ALDH7A1: variants seen among roughly 807,000 people sequenced by gnomAD.
ALDH7A1 encodes alpha-aminoadipic semialdehyde dehydrogenase.
ALDH7A1 carries 63 observed loss-of-function variants against 79.9 expected under a neutral mutation model. The observed-to-expected ratio is 0.79, with a 90% CI of 0.64 to 0.97. The LOEUF (loss-of-function observed/expected upper bound fraction) is 0.97, where lower values mean the gene tolerates loss of function less well. ALDH7A1 is among the 50% of genes least tolerant of loss of function. The pLI is 0.00. For missense variants in ALDH7A1, 627 were observed against 665.2 expected (o/e 0.94, Z 0.63); for synonymous variants, 240 against 231.2 (o/e 1.04, Z -0.34).
At position 126,595,203 on chromosome 5, in the gene ALDH7A1, A is replaced by C; in HGVS notation, c.-5T>G. 6.4e-7 allele frequency: 1 copy of C among 1,551,732 alleles called. No homozygotes were observed. Among genetic ancestry groups the C allele is most frequent in the South Asian group, 1.2e-5 (1 of 84,084 alleles). Reference sequence around the variant, plus strand: ...CGCGCGAGGAAGGCGCCACATACTGAGCCCGGGACTCGGGATGAGCCCAAG... The same window carrying C: ...CGCGCGAGGAAGGCGCCACATACTGCGCCCGGGACTCGGGATGAGCCCAAG... On this transcript the variant is annotated 5_prime_UTR_variant, in exon 1 of 18. Transcript: ENST00000409134.
At chr5:126,559,134 A>G in intron 11 of ALDH7A1, 106 bp downstream of exon 11, 2 of 896,214 alleles carry the variant, frequency 2.2e-6, no homozygotes, top group Non-Finnish European at 3.7e-6. Flanking sequence ...CCACATCTAG[A>G]GAGCATGTTG....
At chr5:126,573,652 C>T (rs1211805905) in intron 7 of ALDH7A1, among the ~76,000 whole-genome samples, 6 of 143,036 alleles carry the variant, frequency 4.2e-5, no homozygotes, top group East Asian at 2.1e-4. Context: ...GAGCCGAGAT[C>T]GCACCACTGC....
Position 126,568,144 on chromosome 5 carries a change from T to C in ALDH7A1, c.871+115A>G, listed in dbSNP as rs1273672556. On this transcript the variant is annotated intron_variant, in intron 9 of 17. Transcript: ENST00000409134. ...CTTTTCTTTTACTTAGACATTCAAATAAACATGACCACTGCCTCCATGGAA... is the reference window on the plus strand; with the variant it reads ...CTTTTCTTTTACTTAGACATTCAAACAAACATGACCACTGCCTCCATGGAA... The C allele has an allele frequency of 4.2e-6, 4 of 958,948 alleles. No homozygotes were observed. In the African/African-American group the frequency reaches 6.4e-5, roughly 15 times the overall value. 59.4% of individuals were successfully genotyped at this position (958,948 alleles called of 1,614,324 possible).
intron 9 of ALDH7A1, among the ~76,000 whole-genome samples, chr5:126,567,601 G>A (rs1750628819): frequency 6.6e-6 from 1 of 150,796 alleles, no homozygotes; most frequent in Non-Finnish European, 1.5e-5. Flanking sequence ...AGCCTCCCCA[G>A]TAGCTGGGAT....
At chr5:126,591,043 C>T (rs1358137124) in intron 3 of ALDH7A1, among the ~76,000 whole-genome samples, 1 of 151,898 alleles carries the variant, frequency 6.6e-6, no homozygotes, top group African/African-American at 2.4e-5. Flanking sequence ...AAACCTAAAC[C>T]TAATGAACAT....
In ALDH7A1 at chr5:126,584,017, G is replaced by A; in HGVS notation, c.313-5C>T. On this transcript the variant is annotated splice_polypyrimidine_tract_variant and splice_region_variant and intron_variant, in intron 3 of 17. Transcript: ENST00000409134. ...TCCTCGTTTTGGAGCAGGAATCTAA[G>A]AAAAGAATGCAATTTTTGTGTCTGA... 6.2e-7 allele frequency: 1 copy of A among 1,613,096 alleles called. No homozygotes were observed.
chr5:126,550,296 A>G lies in ALDH7A1; in HGVS notation c.1318-3T>C. On this transcript the variant is annotated splice_polypyrimidine_tract_variant and splice_region_variant and intron_variant, in intron 14 of 17. Coordinates refer to ENST00000409134, the MANE Select transcript of ALDH7A1 (RefSeq NM_001182.5). ...CATGCAAAGACCTCTTCTTCATTCT[A>G]AAAGGAGAGACATTGGAAGCTGTAA... 1 of 1,597,392 alleles carries G rather than the reference A, an allele frequency of 6.3e-7. No homozygotes were observed. Among genetic ancestry groups the G allele is most frequent in the Non-Finnish European group, 8.6e-7 (1 of 1,165,580 alleles).
At chr5:126,578,230 A>T (rs1751043535) in intron 5 of ALDH7A1, among the ~76,000 whole-genome samples, 1 of 152,164 alleles carries the variant, frequency 6.6e-6, no homozygotes, top group Non-Finnish European at 1.5e-5. Context: ...CAGAGGTTGC[A>T]GTGAGCCGAG....
intron 7 of ALDH7A1, among the ~76,000 whole-genome samples, chr5:126,573,552 G>C (rs569689016): frequency 4.6e-5 from 7 of 152,002 alleles, no homozygotes; most frequent in Non-Finnish European, 7.4e-5. Context: ...CAAAAAATTA[G>C]CCGGGCGTGG....
At chr5:126,588,569 A>G (rs983425865) in intron 3 of ALDH7A1, 4 of 152,200 alleles carry the variant, frequency 2.6e-5, no homozygotes, top group Non-Finnish European at 5.9e-5. Context: ...ATAAATAGAC[A>G]CATACAATAG....
At chr5:126,594,669 C>T (rs986664214) in intron 1 of ALDH7A1, among the ~76,000 whole-genome samples, 12 of 151,922 alleles carry the variant, frequency 7.9e-5, no homozygotes, top group African/African-American at 2.9e-4. Flanking sequence ...TGGTCTTGAA[C>T]TCGCTACCTC....
At position 126,577,287 on chromosome 5, in the gene ALDH7A1, C is replaced by T. The variant is rs1751009866; in HGVS notation, c.518-76G>A. The T allele has an allele frequency of 5.9e-6, 9 of 1,530,684 alleles. No homozygotes were observed. The Admixed American group carries it at 1.7e-4, about 28-fold the overall frequency. The allele number at this position is 1,530,684 out of a possible 1,614,324, so 94.8% of individuals were successfully genotyped here. A position where few individuals can be genotyped will look rare whatever the true frequency, so the allele number is the denominator to read the frequency against. ...CATCAAGTTAATAAGAACAAACGTA[C>T]AGCAGACTGGAGAAGATTCCAGATG... On this transcript the variant is annotated intron_variant, in intron 5 of 17. Coordinates refer to ENST00000409134, the MANE Select transcript of ALDH7A1 (RefSeq NM_001182.5).
At chr5:126,551,738 CCTACACAGCCCAGGAT>C (rs1750007066) in intron 14 of ALDH7A1, among the ~76,000 whole-genome samples, 1 of 152,162 alleles carries the variant, frequency 6.6e-6, no homozygotes, top group Admixed American at 6.5e-5. Flanking sequence ...GACTCTATGG[CCTACACAGCCCAGGAT>C]TAAGATGACA....
intron 9 of ALDH7A1, chr5:126,564,488 C>G: frequency 5.7e-6 from 7 of 1,217,680 alleles, no homozygotes; most frequent in Non-Finnish European, 7.3e-6. Flanking sequence ...TCATCGATTT[C>G]CTTAAGTGCA....
chr5:126,559,002 C>G (rs907305470), intron 11 of ALDH7A1, among the ~76,000 whole-genome samples: 5 of 152,180 alleles, frequency 3.3e-5, no homozygotes, highest in Non-Finnish European at 5.9e-5. Flanking sequence ...TCTCCTAGTC[C>G]AACTCCAGTC....
In ALDH7A1 at chr5:126,584,186, T is replaced by C. The variant is rs28629815; in HGVS notation, c.313-174A>G. Among the ~76,000 whole-genome samples the C allele has an allele frequency of 0.027, 4,069 of 152,190 alleles. 180 individuals carry two copies. Among genetic ancestry groups the C allele is most frequent in the African/African-American group, 0.091 (3,783 of 41,504 alleles). On this transcript the variant is annotated intron_variant, in intron 3 of 17. Transcript: ENST00000409134. The stretch of plus-strand genomic sequence containing the variant: ...GGAGCCAAAATAAGAAGCAAGGCAT[T>C]CATGGAGCAAATATCTACTGGAAGG...
At chr5:126,571,178 G>GTTTTTTTTT (rs1750760451) in intron 7 of ALDH7A1, 1 of 250,150 alleles carries the variant, frequency 4.0e-6, no homozygotes, top group African/African-American at 3.8e-5. Context: ...TTTTTTTTTA[G>GTTTTTTTTT]CCCTAAAAGA....
intron 16 of ALDH7A1, 37 bp downstream of exon 16, chr5:126,549,892 G>C (rs746706948): frequency 1.3e-6 from 2 of 1,599,754 alleles, no homozygotes; most frequent in Non-Finnish European, 1.7e-6. Flanking sequence ...TTTCTTTGCT[G>C]CCCAACATGG....
chr5:126,568,777 C>T (rs1453629649), intron 8 of ALDH7A1: 1 of 235,752 alleles, frequency 4.2e-6, no homozygotes, highest in Non-Finnish European at 8.5e-6. Flanking sequence ...ATAAAAAATA[C>T]TAAAATTAGC....
Sources: allele counts gnomAD v4.1 joint callset (sites outside exome capture counted in the v4.1 genomes callset), GRCh38; gene constraint gnomAD v4.1.1; transcripts MANE v1.5; gene names NCBI Gene and HGNC (gene_info 2026-07-23, HGNC 2026-07-21).